GNPDA2: variants seen among roughly 807,000 people sequenced by gnomAD.
GNPDA2 encodes glcN6P deaminase 2.
Under a neutral mutation model 27.0 loss-of-function variants are expected in GNPDA2, and 24 were observed. The observed-to-expected ratio is 0.89, with a 90% CI of 0.64 to 1.25. GNPDA2 has a LOEUF of 1.25. Ranked by LOEUF, GNPDA2 falls within the 50% of genes most tolerant of loss-of-function variation. GNPDA2 has a pLI of 0.00. For synonymous variants in GNPDA2, 94 were observed against 108.4 expected (o/e 0.87, Z 0.83); for missense variants, 286 against 335.1 (o/e 0.85, Z 1.14).
rs777492210 is a variant in GNPDA2, at chr4:44,711,016, A to C, written c.531T>G (p.Asp177Glu). The C allele has an allele frequency of 6.2e-7, 1 of 1,613,380 alleles. No homozygotes were observed. Reference sequence around the variant, plus strand: ...GAGCCATAGTTGGCACTTTTGATAAATCTCCATCAAAATATTTGGCATTTG... The same window carrying C: ...GAGCCATAGTTGGCACTTTTGATAACTCTCCATCAAAATATTTGGCATTTG... ...ILANAKYFDG[D>E]LSKVPTMALT... The change falls in exon 5 of 7, where the codon GAT becomes GAG. Residue 177 changes from aspartate (D) to glutamate (E), a missense_variant. Coordinates refer to ENST00000295448, the MANE Select transcript of GNPDA2 (RefSeq NM_138335.3).
chr4:44,722,210 C>A lies in GNPDA2; in HGVS notation c.-3G>T. On this transcript the variant is annotated 5_prime_UTR_variant, in exon 2 of 7. Transcript: ENST00000295448. ...TTATCAAGAATTACAAGCCTCATTA[C>A]GGTGACGCACAGCTTCCAGAACAAG... 1 of 1,612,890 alleles carries A rather than the reference C, an allele frequency of 6.2e-7. No individual in the cohort carries two copies. The highest frequency in any genetic ancestry group is 8.5e-7 in the Non-Finnish European group (1 of 1,179,296).
Position 44,707,842 on chromosome 4 carries a change from A to C in GNPDA2, c.679T>G (p.Ser227Ala). 7 of 1,613,446 alleles carry C rather than the reference A, an allele frequency of 4.3e-6. No individual in the cohort carries two copies. The highest frequency in any genetic ancestry group is 5.9e-6 in the Non-Finnish European group (7 of 1,179,532). The part of the protein sequence containing the change: ...EEGVNHMWTV[S>A]AFQQHPRTIF... Reference sequence around the variant, plus strand: ...GTCCGGGGATGCTGCTGGAAAGCGGAAACAGTCCACATGTGATTGACTCCT... The same window carrying C: ...GTCCGGGGATGCTGCTGGAAAGCGGCAACAGTCCACATGTGATTGACTCCT... The change falls in exon 6 of 7, where the codon TCC becomes GCC. Residue 227 changes from serine (S) to alanine (A), a missense_variant. Transcript: ENST00000295448.
chr4:44,718,509 C>A, intron 2 of GNPDA2, 99 bp from the exon 3 acceptor site: 1 of 384,266 alleles, frequency 2.6e-6, no homozygotes, highest in South Asian at 9.7e-5. Context: ...TAATAATATT[C>A]TGTAGTTCTG....
At chr4:44,703,310 TAA>T (rs1469875433) in intron 6 of GNPDA2, 168 bp from the exon 7 acceptor site, 1 of 1,388,704 alleles carries the variant, frequency 7.2e-7, no homozygotes, top group Admixed American at 3.3e-5. Context: ...CAGAATGTCT[TAA>T]GTTTTATCTA....
intron 4 of GNPDA2, among the ~76,000 whole-genome samples, chr4:44,713,297 G>C (rs1292462543): frequency 6.6e-6 from 1 of 152,154 alleles, no homozygotes; most frequent in East Asian, 1.9e-4. Flanking sequence ...ATCTTGACCA[G>C]GGATACAGTT....
At chr4:44,720,534 AG>A (rs1190068246) in intron 2 of GNPDA2, among the ~76,000 whole-genome samples, 1 of 152,150 alleles carries the variant, frequency 6.6e-6, no homozygotes, top group Non-Finnish European at 1.5e-5. Flanking sequence ...CACAGCATGC[AG>A]GCCTTTAAAT....
At chr4:44,718,274 C>A (rs374458763) in intron 3 of GNPDA2, 35 bp downstream of exon 3, 20 of 796,178 alleles carry the variant, frequency 2.5e-5, no homozygotes, top group Non-Finnish European at 3.8e-5. Flanking sequence ...TATAACATAC[C>A]CAAATAATGG....
chr4:44,724,401 T>C (rs144756024), intron 1 of GNPDA2, among the ~76,000 whole-genome samples: 29 of 152,332 alleles, frequency 1.9e-4, no homozygotes, highest in South Asian at 4.1e-4. Context: ...TACCCAGTAG[T>C]GAGATTGCCT....
chr4:44,721,150 C>T (rs988309319), intron 2 of GNPDA2, among the ~76,000 whole-genome samples: 1 of 151,970 alleles, frequency 6.6e-6, no homozygotes, highest in African/African-American at 2.4e-5. Flanking sequence ...TGAAGAGTAC[C>T]ATTCACGGAA....
At position 44,702,391 on chromosome 4, in the gene GNPDA2, CT is replaced by C. The variant is rs1716328963; in HGVS notation, c.*689del. The C allele has an allele frequency of 5.2e-6, 5 of 962,250 alleles. No homozygotes were observed. Among genetic ancestry groups the C allele is most frequent in the Non-Finnish European group, 6.2e-6 (5 of 808,722 alleles). The allele number at this position is 962,250 out of a possible 1,614,324, so 59.6% of individuals were successfully genotyped here. On this transcript the variant is annotated 3_prime_UTR_variant, in exon 7 of 7. Transcript: ENST00000295448. ...TATAAAGCTCATAATTGTCAAGATA[CT>C]TATATTAGGGACATGAACCCAAGTC...
At chr4:44,716,637 T>C (rs919782910) in intron 4 of GNPDA2, among the ~76,000 whole-genome samples, 1 of 151,898 alleles carries the variant, frequency 6.6e-6, no homozygotes, top group Non-Finnish European at 1.5e-5. Flanking sequence ...GTAAAAAGTT[T>C]TACATCATTC....
Position 44,703,158 on chromosome 4 carries a change from C to A in GNPDA2, c.770-16G>T, listed in dbSNP as rs1294841508. ...TGCATTAGACCTTAAAGAAAAAAAG[C>A]ACAGTTCTAGTTGTTTTTATTAATT... On this transcript the variant is annotated splice_polypyrimidine_tract_variant and intron_variant, in intron 6 of 6. Coordinates refer to ENST00000295448, the MANE Select transcript of GNPDA2 (RefSeq NM_138335.3). 2 of 1,603,414 alleles carry A rather than the reference C, an allele frequency of 1.2e-6. No homozygotes were observed. The highest frequency in any genetic ancestry group is 1.7e-6 in the Non-Finnish European group (2 of 1,176,860).
At chr4:44,720,394 A>G (rs1717588376) in intron 2 of GNPDA2, among the ~76,000 whole-genome samples, 1 of 152,022 alleles carries the variant, frequency 6.6e-6, no homozygotes, top group Non-Finnish European at 1.5e-5. Context: ...TAGGAATATG[A>G]GTGAAAGCAA....
At chr4:44,719,404 TAA>T (rs1390087890) in intron 2 of GNPDA2, among the ~76,000 whole-genome samples, 2 of 152,146 alleles carry the variant, frequency 1.3e-5, no homozygotes, top group African/African-American at 2.4e-5. Context: ...TCAAGAATAG[TAA>T]AAAGACTGCC....
chr4:44,703,887 C>G (rs1716426908), intron 6 of GNPDA2: 4 of 984,788 alleles, frequency 4.1e-6, no homozygotes, highest in Non-Finnish European at 4.8e-6. Flanking sequence ...AAAGACTGAC[C>G]CAGTTAATGA....
intron 1 of GNPDA2, among the ~76,000 whole-genome samples, chr4:44,725,748 T>C (rs1717971113): frequency 7.6e-6 from 1 of 132,172 alleles, no homozygotes; most frequent in African/African-American, 2.7e-5. Context: ...ATTGTCGCCT[T>C]ATGCAATTCT....
At chr4:44,711,828 T>TATAC (rs1553878842) in intron 4 of GNPDA2, among the ~76,000 whole-genome samples, 14 of 148,392 alleles carry the variant, frequency 9.4e-5, no homozygotes, top group African/African-American at 2.2e-4. Context: ...TATATATATA[T>TATAC]ACACATATAC....
intron 4 of GNPDA2, chr4:44,714,481 T>A (rs1717161574): frequency 1.0e-6 from 1 of 985,348 alleles, no homozygotes; most frequent in Non-Finnish European, 1.2e-6. Context: ...GAATGAGCAA[T>A]AGCAGATTAA....
At chr4:44,705,002 G>A in intron 6 of GNPDA2, 2 of 978,994 alleles carry the variant, frequency 2.0e-6, no homozygotes, top group Non-Finnish European at 2.4e-6. Flanking sequence ...CTTTCAAAAG[G>A]TATATACCGT....
Sources: gnomAD v4.1 joint callset for allele counts (sites outside exome capture counted in the v4.1 genomes callset) on GRCh38, gnomAD v4.1.1 for gene constraint, MANE v1.5 for transcripts, NCBI Gene and HGNC (gene_info 2026-07-23, HGNC 2026-07-21) for gene names.